Variants in CERS5 observed in about 807,000 individuals in gnomAD.
CERS5 encodes ceramide synthase 5.
A neutral mutation model predicts 58.9 loss-of-function variants in CERS5; 37 were observed. That is an observed-to-expected ratio of 0.63 (90% CI 0.48 to 0.83). The LOEUF (loss-of-function observed/expected upper bound fraction) is 0.83, where lower values mean the gene tolerates loss of function less well. Ranked by LOEUF, CERS5 falls within the 40% of genes least tolerant of loss-of-function variation. The probability of loss-of-function intolerance (pLI) is 0.00; values close to 1 mark genes in which losing one functional copy is unlikely to be tolerated. For missense variants in CERS5, 398 were observed against 489.3 expected (o/e 0.81, Z 1.76); for synonymous variants, 147 against 177.8 (o/e 0.83, Z 1.38).
At chr12:50,144,692 A>ACCACCG in intron 1 of CERS5, 1 of 768,926 alleles carries the variant, frequency 1.3e-6, no homozygotes, top group Non-Finnish European at 2.1e-6. Context: ...GAAAGGTGAG[A>ACCACCG]AGGAAATCAC....
At chr12:50,159,092 C>T (rs1019406524) in intron 1 of CERS5, among the ~76,000 whole-genome samples, 2 of 152,046 alleles carry the variant, frequency 1.3e-5, no homozygotes, top group African/African-American at 4.8e-5. Flanking sequence ...GAGGCCGAGG[C>T]GGGCGAATCA....
In CERS5 at chr12:50,143,916, A is replaced by G. The variant is rs775876931; in HGVS notation, c.303+36T>C. Reference sequence around the variant, plus strand: ...CCCCTGCCCCATGGAGCAACGCCTTATGTGAATATTCCTCTCTGTTTCTTT... The same window carrying G: ...CCCCTGCCCCATGGAGCAACGCCTTGTGTGAATATTCCTCTCTGTTTCTTT... On this transcript the variant is annotated intron_variant, in intron 2 of 9. Transcript: ENST00000317551. 3.1e-6 allele frequency: 4 copies of G among 1,271,718 alleles called. No homozygotes were observed. The South Asian group carries it at 4.8e-5, about 15-fold the overall frequency. The allele number at this position is 1,271,718 out of a possible 1,614,324, so 78.8% of individuals were successfully genotyped here. A position where few individuals can be genotyped will look rare whatever the true frequency, so the allele number is the denominator to read the frequency against.
chr12:50,144,494 G>T (rs1360439206), intron 1 of CERS5: 1 of 316,704 alleles, frequency 3.2e-6, no homozygotes, highest in Non-Finnish European at 5.8e-6. Context: ...CACAAAGGAG[G>T]TGATTAATAA....
rs189138561 is a variant in CERS5 at position 50,135,944 on chromosome 12, C to T, written c.762G>A (p.Leu254=). 4.5e-5 allele frequency: 69 copies of T among 1,545,278 alleles called. 1 individual carries two copies. In the South Asian group the frequency reaches 7.6e-4, roughly 17 times the overall value. Residue 254 remains leucine, a synonymous_variant, in exon 7 of 10, where the codon CTG becomes CTA. Coordinates refer to ENST00000317551, the MANE Select transcript of CERS5 (RefSeq NM_147190.5). The part of the protein sequence containing the change: ...MCLHDVSDFL[L]EAAKLANYAK... ...GAAAGAGAGATTGGGTTTTTACCTC[C>T]AGCAAGAAGTCTGAGACATCATGTA...
At chr12:50,148,810 CAGG>C (rs986186925) in intron 1 of CERS5, among the ~76,000 whole-genome samples, 1 of 147,254 alleles carries the variant, frequency 6.8e-6, no homozygotes, top group Non-Finnish European at 1.5e-5. Context: ...GTGGCTAAGG[CAGG>C]AGAATTGCTT....
Position 50,130,637 on chromosome 12 carries a change from T to C in CERS5, c.1087A>G (p.Thr363Ala). 6.2e-7 allele frequency: 1 copy of C among 1,612,598 alleles called. No individual in the cohort carries two copies. Among genetic ancestry groups the C allele is most frequent in the Non-Finnish European group, 8.5e-7 (1 of 1,178,712 alleles). ...ESSSEEEDVT[T>A]CTKSPCDSSS... ...CTGTCACAGGGACTTTTTGTGCAGG[T>C]GGTCACATCTTCTTCCTCTGAGCTG... is the stretch of plus-strand genomic sequence containing the variant. Residue 363 changes from threonine to alanine, a missense_variant, in exon 10 of 10, where the codon ACC (threonine) becomes GCC (alanine). Thr to Ala is a moderately conservative substitution (Grantham distance 58). Transcript: ENST00000317551.
intron 2 of CERS5, 91 bp from the exon 3 acceptor site, chr12:50,143,295 A>G (rs753661772): frequency 1.5e-5 from 22 of 1,462,540 alleles, no homozygotes; most frequent in East Asian, 1.4e-4. Context: ...TATGATAGCC[A>G]TAAGTGGCTC....
intron 1 of CERS5, among the ~76,000 whole-genome samples, chr12:50,152,510 G>A (rs887796166): frequency 7.2e-5 from 11 of 152,194 alleles, no homozygotes; most frequent in African/African-American, 2.2e-4. Context: ...AGGAGGCTGA[G>A]GCAAGCGGAT....
chr12:50,163,960 ATTTT>A (rs34267480), intron 1 of CERS5, among the ~76,000 whole-genome samples: 1 of 134,958 alleles, frequency 7.4e-6, no homozygotes. Context: ...AGCCTCTACA[ATTTT>A]TTTTTTTTTT....
At chr12:50,131,951 C>CA (rs1239714989) in intron 9 of CERS5, among the ~76,000 whole-genome samples, 2 of 151,728 alleles carry the variant, frequency 1.3e-5, no homozygotes, top group African/African-American at 2.4e-5. Context: ...TAAAAAATGA[C>CA]AAAATCAGTT....
intron 6 of CERS5, 76 bp downstream of exon 6, chr12:50,137,652 T>A: frequency 1.3e-6 from 1 of 796,716 alleles, no homozygotes; most frequent in East Asian, 2.5e-5. Context: ...AGATAATACA[T>A]CGTAATGGCA....
In CERS5 at chr12:50,130,459, A is replaced by AAGAGT. The variant is rs1390699606; in HGVS notation, c.*81_*85dup. ...GTGCCTTGCAGTCTCCCAATCACAG[A>AAGAGT]AGAGTAGATATGGGAAGGGCCAAGA... On this transcript the variant is annotated 3_prime_UTR_variant, in exon 10 of 10. Coordinates refer to ENST00000317551, the MANE Select transcript of CERS5 (RefSeq NM_147190.5). The AAGAGT allele has an allele frequency of 6.4e-6, 8 of 1,244,318 alleles. No individual in the cohort carries two copies. In the African/African-American group the frequency reaches 1.2e-4, roughly 19 times the overall value. The allele number at this position is 1,244,318 out of a possible 1,614,324, so 77.1% of individuals were successfully genotyped here.
chr12:50,132,327 G>C (rs1169687922), intron 9 of CERS5, among the ~76,000 whole-genome samples: 1 of 150,080 alleles, frequency 6.7e-6, no homozygotes, highest in Admixed American at 6.7e-5. Flanking sequence ...GCTTGAACTG[G>C]GCAGGCAGAG....
intron 1 of CERS5, among the ~76,000 whole-genome samples, chr12:50,153,269 ATTTTTTTTTTT>A (rs202197775): frequency 0.4 from 37,378 of 93,890 alleles, 6,214 homozygotes; most frequent in East Asian, 0.77. Context: ...AACTAATATG[ATTTTTTTTTTT>A]TTTTTTTTTT....
intron 1 of CERS5, among the ~76,000 whole-genome samples, chr12:50,145,663 T>TG (rs66782120): frequency 6.0e-5 from 9 of 149,544 alleles, no homozygotes; most frequent in South Asian, 2.1e-4. Flanking sequence ...TTTACACCGG[T>TG]GGGGGGGAAA....
intron 8 of CERS5, 59 bp downstream of exon 8, chr12:50,135,673 T>C (rs549463885): frequency 2.4e-4 from 292 of 1,234,418 alleles, no homozygotes; most frequent in Non-Finnish European, 3.4e-4. Context: ...AAAATGAGAA[T>C]TGGCAAAAAG....
chr12:50,134,379 T>C (rs1951510158), intron 9 of CERS5, 167 bp downstream of exon 9: 8 of 1,557,802 alleles, frequency 5.1e-6, no homozygotes, highest in Middle Eastern at 3.4e-4. Context: ...GTCTCTAAAA[T>C]AAAAAAGGCA....
At position 50,143,454 on chromosome 12, in the gene CERS5, C is replaced by T. The variant is rs1360276878; in HGVS notation, c.304-250G>A. On this transcript the variant is annotated intron_variant, in intron 2 of 9. Transcript: ENST00000317551. ...CTGAGTAAAAAAGGATATTAAAAACCCAAATTGCAGGCCAGGCATGGTGGC... is the reference window on the plus strand; with the variant it reads ...CTGAGTAAAAAAGGATATTAAAAACTCAAATTGCAGGCCAGGCATGGTGGC... 26 of 374,612 alleles carry T rather than the reference C, an allele frequency of 6.9e-5. No homozygotes were observed. The East Asian group carries it at 7.7e-4, about 11-fold the overall frequency. The allele number at this position is 374,612 out of a possible 1,614,324, so 23.2% of individuals were successfully genotyped here.
intron 1 of CERS5, among the ~76,000 whole-genome samples, chr12:50,150,716 A>C (rs1266281804): frequency 6.6e-6 from 1 of 152,104 alleles, no homozygotes; most frequent in Non-Finnish European, 1.5e-5. Context: ...TAAGGGAAAG[A>C]CCAAGACAAG....
Sources: allele counts gnomAD v4.1 joint callset (sites outside exome capture counted in the v4.1 genomes callset), GRCh38; gene constraint gnomAD v4.1.1; transcripts MANE v1.5; gene names NCBI Gene and HGNC (gene_info 2026-07-23, HGNC 2026-07-21).